The following KATNIP variants were observed in gnomAD, a reference collection of about 807,000 sequenced individuals.
KATNIP encodes the protein katanin-interacting protein.
Under a neutral mutation model 174.0 loss-of-function variants are expected in KATNIP, and 126 were observed. That is an observed-to-expected ratio of 0.72 (90% CI 0.63 to 0.84). The LOEUF is 0.84. KATNIP is among the 40% of genes least tolerant of loss of function. KATNIP has a pLI of 0.00. For synonymous variants in KATNIP, 810 were observed against 835.7 expected, an observed-to-expected ratio of 0.97 and a Z score of 0.53; for missense variants, 1,958 against 2,109.7, an observed-to-expected ratio of 0.93 and a Z score of 1.41.
intron 6 of KATNIP, among the ~76,000 whole-genome samples, chr16:27,665,307 G>A (rs2077644648): frequency 6.6e-6 from 1 of 151,868 alleles, no homozygotes; most frequent in African/African-American, 2.4e-5. Flanking sequence ...GTTTCACCAT[G>A]TTGGCCGTGC....
chr16:27,753,142 C>T (rs567702950), intron 17 of KATNIP, among the ~76,000 whole-genome samples: 4 of 152,234 alleles, frequency 2.6e-5, no homozygotes, highest in East Asian at 3.9e-4. Context: ...GCCCCTCCCC[C>T]TCCCCACATC....
chr16:27,615,320 G>T (rs1215755438), intron 2 of KATNIP, among the ~76,000 whole-genome samples: 1 of 149,046 alleles, frequency 6.7e-6, no homozygotes, highest in Non-Finnish European at 1.5e-5. Context: ...AAGAAATGGA[G>T]TGGGAATCTT....
intron 14 of KATNIP, among the ~76,000 whole-genome samples, chr16:27,739,644 A>C (rs1459357984): frequency 1.3e-5 from 2 of 152,212 alleles, no homozygotes; most frequent in Non-Finnish European, 2.9e-5. Context: ...CTGTGAAAAA[A>C]CATGAAGGAT....
At chr16:27,733,493 A>G (rs1466981701) in intron 14 of KATNIP, among the ~76,000 whole-genome samples, 2 of 151,750 alleles carry the variant, frequency 1.3e-5, no homozygotes, top group African/African-American at 4.8e-5. Context: ...TTGAGGCAGC[A>G]TGAACAAAAG....
chr16:27,708,810 G>T lies in KATNIP; in HGVS notation c.1495G>T (p.Glu499Ter), dbSNP rs770541088. 3.7e-6 allele frequency: 6 copies of T among 1,613,800 alleles called. No individual in the cohort carries two copies. Among genetic ancestry groups the T allele is most frequent in the Non-Finnish European group, 5.1e-6 (6 of 1,179,994 alleles). ...GTGGTGGGTGGGTCTCACAGAAGTC[G>T]AGTTCTTTGACTTGAATGACACAAA... The part of the protein sequence containing the change: ...NSWWVGLTEV[E>*]FFDLNDTKLY... The change falls in exon 13 of 28, where the codon GAG becomes TAG. Residue 499 changes from glutamate (E) to a stop codon, truncating the protein, a stop_gained. Transcript: ENST00000261588. LOFTEE classifies it high-confidence loss of function.
In KATNIP at chr16:27,777,713, C is replaced by A; in HGVS notation, c.4655C>A (p.Thr1552Asn). 6.2e-7 allele frequency: 1 copy of A among 1,614,154 alleles called. No homozygotes were observed. Among genetic ancestry groups the A allele is most frequent in the Non-Finnish European group, 8.5e-7 (1 of 1,180,024 alleles). The change falls in exon 26 of 28, where the codon ACC becomes AAC. Residue 1552 changes from threonine (T) to asparagine (N), a missense_variant. Transcript: ENST00000261588. This position sits in a 1 kb window ranked among gnomAD's most constrained non-coding sequence, Gnocchi z 4.4. Reference protein sequence around the residue: ...PTCEPTVPYHTILFTEDRDIR... With the variant: ...PTCEPTVPYHNILFTEDRDIR... Reference sequence around the variant, plus strand: ...TGTGAGCCCACCGTGCCCTACCACACCATCCTCTTCACCGAGGACAGGGAC... The same window carrying A: ...TGTGAGCCCACCGTGCCCTACCACAACATCCTCTTCACCGAGGACAGGGAC...
At chr16:27,686,382 TTGTC>T (rs1190920116) in intron 8 of KATNIP, among the ~76,000 whole-genome samples, 1 of 152,340 alleles carries the variant, frequency 6.6e-6, no homozygotes, top group Admixed American at 6.5e-5. Flanking sequence ...AAAGTCTACT[TTGTC>T]TGATATAAAG....
intron 2 of KATNIP, among the ~76,000 whole-genome samples, chr16:27,594,070 C>T (rs1374934216): frequency 6.6e-6 from 1 of 151,140 alleles, no homozygotes; most frequent in African/African-American, 2.4e-5. Context: ...GCCTGGGCAA[C>T]ATGGCAAGGC....
At chr16:27,635,690 G>C (rs1730626658) in intron 5 of KATNIP, among the ~76,000 whole-genome samples, 1 of 152,238 alleles carries the variant, frequency 6.6e-6, no homozygotes, top group South Asian at 2.1e-4. Context: ...TGGGAGGAGG[G>C]TGTGACACCT....
At chr16:27,598,545 C>A (rs1016086682) in intron 2 of KATNIP, among the ~76,000 whole-genome samples, 1 of 152,168 alleles carries the variant, frequency 6.6e-6, no homozygotes, top group Admixed American at 6.5e-5. Context: ...AAATTGGGGC[C>A]TGTGACCTGA....
chr16:27,739,006 TA>T (rs71140909), intron 14 of KATNIP, among the ~76,000 whole-genome samples: 29,033 of 146,198 alleles, frequency 0.2, 3,209 homozygotes, highest in African/African-American at 0.32. Flanking sequence ...TGATTTCAGT[TA>T]AAAAAAAAAA....
At chr16:27,734,969 A>T (rs1170683900) in intron 14 of KATNIP, among the ~76,000 whole-genome samples, 4 of 152,242 alleles carry the variant, frequency 2.6e-5, no homozygotes, top group Non-Finnish European at 4.4e-5. Flanking sequence ...TGAGGATGAC[A>T]TAGGACAAGG....
chr16:27,751,627 C>T, intron 16 of KATNIP, 92 bp from the exon 17 acceptor site: 2 of 1,195,720 alleles, frequency 1.7e-6, no homozygotes, highest in South Asian at 1.3e-5. Flanking sequence ...TGGGGTTGTA[C>T]AGCACAGAAG....
intron 13 of KATNIP, among the ~76,000 whole-genome samples, chr16:27,720,135 G>A (rs1251866655): frequency 6.6e-6 from 1 of 152,098 alleles, no homozygotes; most frequent in African/African-American, 2.4e-5. Context: ...TGGAGACGGA[G>A]TTTGGAGTTC....
chr16:27,659,613 C>T (rs1029126036), intron 6 of KATNIP, among the ~76,000 whole-genome samples: 1 of 152,010 alleles, frequency 6.6e-6, no homozygotes, highest in African/African-American at 2.4e-5. Context: ...TGTACCCATC[C>T]TATTTGGTTT....
chr16:27,712,674 C>T (rs2079627607), intron 13 of KATNIP, among the ~76,000 whole-genome samples: 1 of 152,186 alleles, frequency 6.6e-6, no homozygotes, highest in African/African-American at 2.4e-5. Flanking sequence ...TTGGCTGCAT[C>T]CCAGCACAAG....
At chr16:27,640,247 T>C (rs1005559505) in intron 5 of KATNIP, among the ~76,000 whole-genome samples, 25 of 152,340 alleles carry the variant, frequency 1.6e-4, no homozygotes, top group African/African-American at 6.0e-4. Flanking sequence ...CAGGTCTGGG[T>C]GCTGCAAGTA....
chr16:27,654,221 C>G (rs2077199461), intron 6 of KATNIP, among the ~76,000 whole-genome samples: 1 of 152,224 alleles, frequency 6.6e-6, no homozygotes, highest in African/African-American at 2.4e-5. Context: ...GGTGATCTGC[C>G]CGCCTCAGCC....
chr16:27,576,041 C>G (rs1173840493), intron 2 of KATNIP, among the ~76,000 whole-genome samples: 1 of 152,296 alleles, frequency 6.6e-6, no homozygotes. Flanking sequence ...GGGGTGAAGA[C>G]CAGCCTGCAA....
Sources: gnomAD v4.1 joint callset for allele counts (sites outside exome capture counted in the v4.1 genomes callset) on GRCh38, gnomAD v4.1.1 for gene constraint, Gnocchi (gnomAD v3.1) non-coding constraint, MANE v1.5 for transcripts, NCBI Gene and HGNC (gene_info 2026-07-23, HGNC 2026-07-21) for gene names.